HPS3: variants seen among roughly 807,000 people sequenced by gnomAD.
HPS3 encodes the protein HPS3 biogenesis of lysosomal organelles complex 2 subunit 1, also known as BLOC-2 complex member HPS3.
A neutral mutation model predicts 110.9 loss-of-function variants in HPS3; 79 were observed. The ratio of observed to expected loss-of-function variants is 0.71; its 90% confidence interval spans 0.59 to 0.86. The LOEUF (loss-of-function observed/expected upper bound fraction) is 0.86, where lower values mean the gene tolerates loss of function less well. HPS3 is among the 40% of genes least tolerant of loss of function. The pLI, the probability that HPS3 is intolerant of heterozygous loss-of-function variation, is 0.00. For synonymous variants in HPS3, 428 were observed against 451.0 expected (o/e 0.95, Z 0.65); for missense variants, 1,197 against 1,206.2 (o/e 0.99, Z 0.11).
At chr3:149,165,105 T>C (rs1000715529) in intron 14 of HPS3, among the ~76,000 whole-genome samples, 1 of 152,200 alleles carries the variant, frequency 6.6e-6, no homozygotes, top group Non-Finnish European at 1.5e-5. Context: ...GTCTCTTGTC[T>C]CTAGTACTAT....
chr3:149,162,413 GTT>G (rs1723957587), intron 12 of HPS3, 80 bp downstream of exon 12: 1 of 1,319,896 alleles, frequency 7.6e-7, no homozygotes, highest in Non-Finnish European at 1.1e-6. Context: ...AGAGAAGTGA[GTT>G]TTTCATTTGT....
chr3:149,141,101 A>G lies in HPS3; in HGVS notation c.797A>G (p.Glu266Gly), dbSNP rs376398872. The change falls in exon 3 of 17, where the codon GAA (glutamate) becomes GGA (glycine). Residue 266 changes from glutamate (E) to glycine (G), a missense_variant. Transcript: ENST00000296051. Reference protein sequence around the residue: ...KPLELLGEKSEQSGLSVTLES... With the variant: ...KPLELLGEKSGQSGLSVTLES... ...CTGGAACTTCTTGGTGAAAAAAGTG[A>G]ACAGTCTGGATTATCTGTTACACTG... 1 of 1,613,774 alleles carries G rather than the reference A, an allele frequency of 6.2e-7. No individual in the cohort carries two copies. The highest frequency in any genetic ancestry group is 1.3e-5 in the African/African-American group (1 of 74,878).
intron 15 of HPS3, 122 bp downstream of exon 15, chr3:149,167,362 TCCA>T (rs1724528827): frequency 3.9e-6 from 3 of 764,918 alleles, no homozygotes; most frequent in Admixed American, 4.0e-5. Flanking sequence ...GCTGTGTGGG[TCCA>T]TTGAGCATAT....
chr3:149,141,150 A>G lies in HPS3; in HGVS notation c.846A>G (p.Glu282=), dbSNP rs1358719389. ...TGGAGTCTACGGGATTAGCTGATGA[A>G]AAAAGAAAATATTCCCACTTTCAGC... The part of the protein sequence containing the change: ...VTLESTGLAD[E]KRKYSHFQHL... Residue 282 remains glutamate, a synonymous_variant, in exon 3 of 17, where the codon GAA becomes GAG. Transcript: ENST00000296051. 1.7e-5 allele frequency: 27 copies of G among 1,613,810 alleles called. No individual in the cohort carries two copies. The highest frequency in any genetic ancestry group is 2.3e-5 in the Non-Finnish European group (27 of 1,179,972).
At chr3:149,168,907 A>G (rs943547545) in intron 16 of HPS3, among the ~76,000 whole-genome samples, 39 of 147,020 alleles carry the variant, frequency 2.7e-4, no homozygotes, top group Admixed American at 2.6e-3. Context: ...CAGCATCATC[A>G]TTATCTTAAT....
intron 11 of HPS3, 130 bp from the exon 12 acceptor site, chr3:149,162,018 G>GA (rs1481065994): frequency 3.8e-6 from 3 of 782,248 alleles, no homozygotes; most frequent in Non-Finnish European, 6.4e-6. Context: ...TATAGTCAAA[G>GA]AAAAAATTGT....
At chr3:149,136,109 A>ATATT (rs1341814514) in intron 1 of HPS3, among the ~76,000 whole-genome samples, 1 of 152,092 alleles carries the variant, frequency 6.6e-6, no homozygotes, top group African/African-American at 2.4e-5. Flanking sequence ...TACTTAATAA[A>ATATT]GACAGAAGCT....
At chr3:149,162,076 G>A (rs1723914399) in intron 11 of HPS3, 72 bp from the exon 12 acceptor site, 2 of 1,240,710 alleles carry the variant, frequency 1.6e-6, no homozygotes, top group Admixed American at 1.7e-5. Flanking sequence ...GCACTAGCAT[G>A]TTTAGTATTT....
At chr3:149,172,043 TTGAA>T in intron 16 of HPS3, 48 bp from the exon 17 acceptor site, 1 of 1,586,660 alleles carries the variant, frequency 6.3e-7, no homozygotes, top group Admixed American at 1.7e-5. Flanking sequence ...TAAGAAGAGA[TTGAA>T]TGAAAGACAG....
rs1314383446 is a variant in HPS3 at position 149,163,902 on chromosome 3, G to A, written c.2542G>A (p.Asp848Asn). The A allele has an allele frequency of 6.3e-7, 1 of 1,582,268 alleles. No individual in the cohort carries two copies. Among genetic ancestry groups the A allele is most frequent in the East Asian group, 2.2e-5 (1 of 44,584 alleles). The change falls in exon 14 of 17, where the codon GAT (aspartate) becomes AAT (asparagine). Residue 848 changes from aspartate (D) to asparagine (N), a missense_variant. Transcript: ENST00000296051. ...YPWVHVVISS[D>N]SLADKNYTED... ...ATGGGTTCACGTCGTAATATCATCT[G>A]ATTCTTTAGCTGATAAAAATTATAC...
intron 1 of HPS3, among the ~76,000 whole-genome samples, chr3:149,132,590 A>G (rs1023111106): frequency 6.6e-6 from 1 of 152,218 alleles, no homozygotes; most frequent in African/African-American, 2.4e-5. Flanking sequence ...ATGTAGAAGG[A>G]GATTGATGTT....
chr3:149,166,937 G>T, intron 14 of HPS3, 97 bp from the exon 15 acceptor site: 1 of 903,778 alleles, frequency 1.1e-6, no homozygotes, highest in Non-Finnish European at 1.8e-6. Context: ...TTTTATTTTT[G>T]GCAAGTGAGG....
intron 4 of HPS3, 50 bp downstream of exon 4, chr3:149,141,430 C>A: frequency 6.8e-7 from 1 of 1,465,860 alleles, no homozygotes; most frequent in Non-Finnish European, 9.6e-7. Flanking sequence ...TGAAAATGCT[C>A]TGTCTGGGCT....
chr3:149,142,867 C>A (rs1299238861), intron 4 of HPS3, among the ~76,000 whole-genome samples: 6 of 152,062 alleles, frequency 3.9e-5, no homozygotes, highest in Admixed American at 2.0e-4. Context: ...TAACAAAAGA[C>A]CCTGACCTCA....
chr3:149,159,288 C>A (rs1004918747), intron 10 of HPS3, among the ~76,000 whole-genome samples: 1 of 152,148 alleles, frequency 6.6e-6, no homozygotes, highest in Non-Finnish European at 1.5e-5. Context: ...TAGGGCTGGG[C>A]ACAGTGGCTA....
At chr3:149,136,103 TAATA>T (rs1264539662) in intron 1 of HPS3, among the ~76,000 whole-genome samples, 1 of 152,006 alleles carries the variant, frequency 6.6e-6, no homozygotes, top group Non-Finnish European at 1.5e-5. Context: ...TCAATGTACT[TAATA>T]AAGACAGAAG....
At position 149,156,162 on chromosome 3, in the gene HPS3, A is replaced by C. The variant is rs115084488; in HGVS notation, c.1509+947A>C. Among the ~76,000 whole-genome samples the C allele has an allele frequency of 7.1e-3, 1,078 of 152,302 alleles. 8 individuals are homozygous for C. Among genetic ancestry groups the C allele is most frequent in the African/African-American group, 0.025 (1,040 of 41,566 alleles). ...TATGCACTCTGTGCTTTCTGTGCAC[A>C]CAGATATACATACACTGTTTTCTGA... On this transcript the variant is annotated intron_variant, in intron 8 of 16. Coordinates refer to ENST00000296051, the MANE Select transcript of HPS3 (RefSeq NM_032383.5).
chr3:149,141,687 C>A (rs1722484322), intron 4 of HPS3, among the ~76,000 whole-genome samples: 1 of 151,196 alleles, frequency 6.6e-6, no homozygotes, highest in Non-Finnish European at 1.5e-5. Flanking sequence ...GCGCCCGCCA[C>A]CAAGCCCGGC....
At position 149,145,462 on chromosome 3, in the gene HPS3, C is replaced by T; in HGVS notation, c.1079C>T (p.Ser360Phe). Residue 360 changes from serine (S) to phenylalanine (F), a missense_variant, in exon 5 of 17, where the codon TCT becomes TTT. Physicochemically the swap from Ser to Phe is radical, Grantham distance 155. Coordinates refer to ENST00000296051, the MANE Select transcript of HPS3 (RefSeq NM_032383.5). ...GGCTATCTCTACATGGTTGTCAAAT[C>T]TGTTGAATTGATGTCAGTCTACCAG... ...HVGYLYMVVK[S>F]VELMSVYQYP... 3 of 1,614,022 alleles carry T rather than the reference C, an allele frequency of 1.9e-6. No individual in the cohort carries two copies. The highest frequency in any genetic ancestry group is 1.3e-5 in the African/African-American group (1 of 75,014).
Sources: gnomAD v4.1 joint callset for allele counts (sites outside exome capture counted in the v4.1 genomes callset) on GRCh38, gnomAD v4.1.1 for gene constraint, MANE v1.5 for transcripts, NCBI Gene and HGNC (gene_info 2026-07-23, HGNC 2026-07-21) for gene names.